ZNF652: variants seen among roughly 807,000 people sequenced by gnomAD.
ZNF652 encodes the protein zinc finger protein 652.
In ZNF652, 16 loss-of-function variants were observed where a neutral mutation model predicts 45.2. That is an observed-to-expected ratio of 0.35 (90% CI 0.24 to 0.54). The LOEUF (loss-of-function observed/expected upper bound fraction) is 0.54. Among genes scored for constraint, ZNF652 ranks in the 20% least tolerant of loss-of-function variants. The pLI is 0.91. For missense variants in ZNF652, 614 were observed against 765.6 expected, an observed-to-expected ratio of 0.80 and a Z score of 2.34; for synonymous variants, 250 against 260.6, an observed-to-expected ratio of 0.96 and a Z score of 0.39.
intron 1 of ZNF652, among the ~76,000 whole-genome samples, chr17:49,344,993 C>T (rs2070189282): frequency 6.6e-6 from 1 of 152,110 alleles, no homozygotes; most frequent in South Asian, 2.1e-4. Flanking sequence ...TCAAAAAGTT[C>T]TTGCCAAGTA....
At chr17:49,312,905 C>G in intron 2 of ZNF652, 60 bp from the exon 3 acceptor site, 4 of 1,541,516 alleles carry the variant, frequency 2.6e-6, no homozygotes, top group Non-Finnish European at 3.5e-6. Context: ...TACCAGCCTA[C>G]TGGCAGACCA....
At chr17:49,309,937 C>A (rs973432887) in intron 5 of ZNF652, among the ~76,000 whole-genome samples, 20 of 152,170 alleles carry the variant, frequency 1.3e-4, no homozygotes, top group African/African-American at 4.3e-4. Flanking sequence ...GAACAGCAGG[C>A]TAAGCAAGAT....
rs143456652 is a variant in ZNF652, at chr17:49,289,566, G to C, written c.*8847C>G. 2 of 152,366 alleles carry C rather than the reference G, an allele frequency of 1.3e-5. No individual in the cohort carries two copies. The highest frequency in any genetic ancestry group is 2.9e-5 in the Non-Finnish European group (2 of 68,040). 9.4% of individuals were successfully genotyped at this position (152,366 alleles called of 1,614,324 possible). The stretch of plus-strand genomic sequence containing the variant: ...AAGCCGGGCAGCATGGGCTCCTTTG[G>C]AGATTCAGGAGCGGAGCTCAGTTCC... On this transcript the variant is annotated 3_prime_UTR_variant, in exon 6 of 6. Coordinates refer to ENST00000430262, the MANE Select transcript of ZNF652 (RefSeq NM_001145365.3).
chr17:49,357,041 G>C lies in ZNF652; in HGVS notation c.-259+4868C>G, dbSNP rs147039676. ...AGGCTGGGCACAGTGGCTCACGCCT[G>C]TAATCCCAGCACTTTGGGAGGCTGA... On this transcript the variant is annotated intron_variant, in intron 1 of 5. Coordinates refer to ENST00000430262, the MANE Select transcript of ZNF652 (RefSeq NM_001145365.3). Among the ~76,000 whole-genome samples, 80 of 150,960 alleles carry C rather than the reference G, an allele frequency of 5.3e-4. 1 individual carries two copies. The East Asian group carries it at 0.012, about 23-fold the overall frequency.
intron 1 of ZNF652, among the ~76,000 whole-genome samples, chr17:49,329,354 G>A (rs998359358): frequency 6.6e-6 from 1 of 152,186 alleles, no homozygotes; most frequent in Non-Finnish European, 1.5e-5. Flanking sequence ...AAAGGGTTTT[G>A]TTATTACAGT....
At chr17:49,306,651 C>T (rs1254981277) in intron 5 of ZNF652, among the ~76,000 whole-genome samples, 1 of 152,136 alleles carries the variant, frequency 6.6e-6, no homozygotes, top group Non-Finnish European at 1.5e-5. Flanking sequence ...ATACATGACA[C>T]TAAGTCTTAA....
chr17:49,350,461 C>G (rs2070258644), intron 1 of ZNF652, among the ~76,000 whole-genome samples: 1 of 151,228 alleles, frequency 6.6e-6, no homozygotes, highest in Non-Finnish European at 1.5e-5. Flanking sequence ...ATCGCTTGAA[C>G]CTGGGAGGCA....
chr17:49,351,434 GTACA>G (rs2070281935), intron 1 of ZNF652, among the ~76,000 whole-genome samples: 1 of 151,816 alleles, frequency 6.6e-6, no homozygotes, highest in Non-Finnish European at 1.5e-5. Context: ...ATAAATAATG[GTACA>G]TACAGACACA....
chr17:49,319,587 C>T (rs765924377), intron 1 of ZNF652, among the ~76,000 whole-genome samples: 7 of 145,262 alleles, frequency 4.8e-5, no homozygotes, highest in African/African-American at 1.5e-4. Context: ...GAGCTGAGAT[C>T]GCGCCACTGC....
At chr17:49,304,878 GTATA>G (rs10601579) in intron 5 of ZNF652, among the ~76,000 whole-genome samples, 2,905 of 149,164 alleles carry the variant, frequency 0.019, 44 homozygotes, top group Non-Finnish European at 0.029. Flanking sequence ...ATATATATGT[GTATA>G]TATATATATA....
rs937955353 is a variant in ZNF652 at position 49,298,743 on chromosome 17, G to A, written c.1491C>T (p.Pro497=). 1.2e-5 allele frequency: 19 copies of A among 1,613,962 alleles called. No homozygotes were observed. Among genetic ancestry groups the A allele is most frequent in the Middle Eastern group, 1.6e-4 (1 of 6,084 alleles). The change falls in exon 6 of 6, where the codon CCC becomes CCT. Residue 497 remains proline (P), a synonymous_variant. Transcript: ENST00000430262. ...HKEKCFRVTS[P]VNVPPAVQIP... is the part of the protein sequence containing the mutation. The stretch of plus-strand genomic sequence containing the variant: ...TCTGGACAGCAGGTGGCACATTCAC[G>A]GGGCTGGTCACCCGAAAGCACTTCT...
intron 5 of ZNF652, among the ~76,000 whole-genome samples, chr17:49,304,884 A>G (rs926051720): frequency 4.4e-4 from 67 of 151,010 alleles, no homozygotes; most frequent in Non-Finnish European, 9.1e-4. Flanking sequence ...ATGTGTATAT[A>G]TATATATATA....
chr17:49,349,741 C>A (rs2070250049), intron 1 of ZNF652, among the ~76,000 whole-genome samples: 1 of 152,088 alleles, frequency 6.6e-6, no homozygotes, highest in African/African-American at 2.4e-5. Flanking sequence ...TACTATTGCA[C>A]AAGAACTATA....
intron 1 of ZNF652, among the ~76,000 whole-genome samples, chr17:49,327,285 C>T (rs1204659264): frequency 6.6e-6 from 1 of 152,002 alleles, no homozygotes. Context: ...GCCTCAGCCT[C>T]CCTAGTAGCT....
intron 1 of ZNF652, among the ~76,000 whole-genome samples, chr17:49,328,158 G>A (rs1292884137): frequency 6.6e-6 from 1 of 151,950 alleles, no homozygotes. Flanking sequence ...ATAAGTATTT[G>A]CTAAATACAC....
At chr17:49,337,292 T>C (rs576951177) in intron 1 of ZNF652, among the ~76,000 whole-genome samples, 6 of 147,478 alleles carry the variant, frequency 4.1e-5, no homozygotes, top group African/African-American at 1.3e-4. Context: ...GCTATGATCA[T>C]GCTGCTGCCC....
intron 1 of ZNF652, among the ~76,000 whole-genome samples, chr17:49,327,845 T>C (rs978954146): frequency 1.6e-5 from 2 of 125,630 alleles, no homozygotes; most frequent in Non-Finnish European, 3.4e-5. Flanking sequence ...CTCGAAGTCC[T>C]GGCCTCATGT....
chr17:49,319,588 G>A (rs1041771667), intron 1 of ZNF652, among the ~76,000 whole-genome samples: 1 of 140,870 alleles, frequency 7.1e-6, no homozygotes, highest in Non-Finnish European at 1.5e-5. Context: ...AGCTGAGATC[G>A]CGCCACTGCA....
rs1180152734 is a variant in ZNF652, at chr17:49,292,212, TTC to T, written c.*6199_*6200del. Among the ~76,000 whole-genome samples the T allele has an allele frequency of 6.6e-6, 1 of 152,120 alleles. No homozygotes were observed. The highest frequency in any genetic ancestry group is 6.5e-5 in the Admixed American group (1 of 15,270). Reference sequence around the variant, plus strand: ...AATCAAATCTCCTCATTTGAAAGAGTTCTTTTTTTTTTTCCTTTTTCTCCAGT... The same window carrying T: ...AATCAAATCTCCTCATTTGAAAGAGTTTTTTTTTTTTCCTTTTTCTCCAGT... On this transcript the variant is annotated 3_prime_UTR_variant, in exon 6 of 6. Transcript: ENST00000430262.
Sources: gnomAD v4.1 joint callset for allele counts (sites outside exome capture counted in the v4.1 genomes callset) on GRCh38, gnomAD v4.1.1 for gene constraint, MANE v1.5 for transcripts, NCBI Gene and HGNC (gene_info 2026-07-23, HGNC 2026-07-21) for gene names.